SMAD1: variants seen among roughly 807,000 people sequenced by gnomAD.
SMAD1 encodes the protein SMAD family member 1.
Under a neutral mutation model 41.6 loss-of-function variants are expected in SMAD1, and 6 were observed. That is an observed-to-expected ratio of 0.14 (90% CI 0.08 to 0.28). SMAD1 has a LOEUF of 0.28. SMAD1 is among the 10% of genes least tolerant of loss of function. The pLI is 1.00. For missense variants in SMAD1, 379 were observed against 582.6 expected (o/e 0.65, Z 3.60); for synonymous variants, 206 against 203.2 (o/e 1.01, Z -0.12).
In SMAD1 at chr4:145,518,243, G is replaced by A. The variant is rs559941785; in HGVS notation, c.400+3230G>A. On this transcript the variant is annotated intron_variant, in intron 2 of 6. Coordinates refer to ENST00000302085, the MANE Select transcript of SMAD1 (RefSeq NM_005900.3). Reference sequence around the variant, plus strand: ...GATCATGCCTGTAAATAGCCATTACGTTCTAGCCTGGGCAGTGTAGTGAGA... The same window carrying A: ...GATCATGCCTGTAAATAGCCATTACATTCTAGCCTGGGCAGTGTAGTGAGA... 7.9e-5 allele frequency among the ~76,000 whole-genome samples: 10 copies of A among 126,050 alleles called. 2 individuals are homozygous for A. The highest frequency in any genetic ancestry group is 7.2e-3 in the Middle Eastern group (2 of 278). 82.7% of individuals were successfully genotyped at this position (126,050 alleles called of 152,430 possible).
chr4:145,545,001 CAGTT>C (rs1732166175), intron 4 of SMAD1: 1 of 151,678 alleles, frequency 6.6e-6, no homozygotes, highest in African/African-American at 2.4e-5. Context: ...AGTTTATAGT[CAGTT>C]AATATTTTCA....
Position 145,557,128 on chromosome 4 carries a change from T to G in SMAD1, c.1255-663T>G, listed in dbSNP as rs562369055. Among the ~76,000 whole-genome samples, 11 of 152,362 alleles carry G rather than the reference T, an allele frequency of 7.2e-5. No homozygotes were observed. The East Asian group carries it at 1.7e-3, about 24-fold the overall frequency. Reference sequence around the variant, plus strand: ...CCCTCACCAATGAGTTTTTGATCTTTGCAGTAGCAGTTACTTTTCTCTTTT... The same window carrying G: ...CCCTCACCAATGAGTTTTTGATCTTGGCAGTAGCAGTTACTTTTCTCTTTT... On this transcript the variant is annotated intron_variant, in intron 6 of 6. Transcript: ENST00000302085.
intron 6 of SMAD1, among the ~76,000 whole-genome samples, chr4:145,554,673 A>T (rs371166358): frequency 2.4e-4 from 37 of 152,252 alleles, no homozygotes; most frequent in African/African-American, 8.9e-4. Flanking sequence ...ATAATAATTG[A>T]TCTTTTTGCT....
intron 1 of SMAD1, among the ~76,000 whole-genome samples, chr4:145,494,255 C>T (rs1045123604): frequency 6.6e-5 from 10 of 152,296 alleles, no homozygotes; most frequent in Middle Eastern, 3.4e-3. Flanking sequence ...CCACCGCGCC[C>T]GGCCCCAGTT....
chr4:145,512,202 TTA>T (rs1260273876), intron 1 of SMAD1, among the ~76,000 whole-genome samples: 2 of 152,234 alleles, frequency 1.3e-5, no homozygotes, highest in African/African-American at 4.8e-5. Flanking sequence ...AATTTTACTG[TTA>T]TATGACACAT....
intron 1 of SMAD1, among the ~76,000 whole-genome samples, chr4:145,512,858 T>C (rs2126400027): frequency 6.6e-6 from 1 of 152,304 alleles, no homozygotes; most frequent in Non-Finnish European, 1.5e-5. Flanking sequence ...GTTTTTCTTC[T>C]GGCAAGCTGT....
At chr4:145,529,370 A>C (rs1283501024) in intron 2 of SMAD1, among the ~76,000 whole-genome samples, 1 of 152,232 alleles carries the variant, frequency 6.6e-6, no homozygotes, top group African/African-American at 2.4e-5. Flanking sequence ...TACCAGGGTG[A>C]AAGTAGGAAG....
In SMAD1 at chr4:145,482,969, T is replaced by C. The variant is rs1728276255; in HGVS notation, c.-177+931T>C. 6.6e-6 allele frequency: 1 copy of C among 152,180 alleles called. No homozygotes were observed. Among genetic ancestry groups the C allele is most frequent in the South Asian group, 2.1e-4 (1 of 4,816 alleles). 9.4% of individuals were successfully genotyped at this position (152,180 alleles called of 1,614,324 possible). ...CTAGTTGCTGAAACTGTATGAAGGC[T>C]TTAAAGGGAGAACGTTTTCTTGATG... On this transcript the variant is annotated intron_variant, in intron 1 of 6. Transcript: ENST00000302085. The surrounding 1 kb of genome is among the most constrained non-coding windows in gnomAD (Gnocchi z 4.2).
At chr4:145,555,966 GTTGT>G (rs1307231147) in intron 6 of SMAD1, among the ~76,000 whole-genome samples, 1 of 152,142 alleles carries the variant, frequency 6.6e-6, no homozygotes, top group African/African-American at 2.4e-5. Context: ...TTAAAGAAAA[GTTGT>G]TTATCATATG....
intron 6 of SMAD1, among the ~76,000 whole-genome samples, chr4:145,557,038 CTT>C (rs1732879499): frequency 8.9e-6 from 1 of 112,228 alleles, no homozygotes; most frequent in African/African-American, 7.0e-5. Flanking sequence ...AGAACCCAAC[CTT>C]CTCTGATATT....
intron 2 of SMAD1, among the ~76,000 whole-genome samples, chr4:145,517,799 A>G (rs994206267): frequency 3.2e-5 from 4 of 125,664 alleles, no homozygotes; most frequent in African/African-American, 1.0e-4. Context: ...GTTACTCTTA[A>G]TAACATATGT....
intron 2 of SMAD1, among the ~76,000 whole-genome samples, chr4:145,537,595 T>A (rs528379262): frequency 6.6e-6 from 1 of 152,258 alleles, no homozygotes; most frequent in East Asian, 1.9e-4. Flanking sequence ...ACCCAAGTAT[T>A]TAGCAGCAGA....
chr4:145,483,663 C>A (rs149968104), intron 1 of SMAD1, among the ~76,000 whole-genome samples: 2 of 152,190 alleles, frequency 1.3e-5, no homozygotes, highest in Non-Finnish European at 2.9e-5. Flanking sequence ...TATTTCTGTG[C>A]AGGTGGTGTA....
rs1392110340 is a variant in SMAD1, at chr4:145,558,126, C to A, written c.*192C>A. 4 of 406,348 alleles carry A rather than the reference C, an allele frequency of 9.8e-6. No homozygotes were observed. Among genetic ancestry groups the A allele is most frequent in the African/African-American group, 2.0e-5 (1 of 48,860 alleles). 25.2% of individuals were successfully genotyped at this position (406,348 alleles called of 1,614,324 possible). ...CACCTTGGTAACATACTGTTGATAT[C>A]AAGAACCTGTTTAGTTTACATTGTA... On this transcript the variant is annotated 3_prime_UTR_variant, in exon 7 of 7. Coordinates refer to ENST00000302085, the MANE Select transcript of SMAD1 (RefSeq NM_005900.3).
At chr4:145,513,040 C>T (rs186549329) in intron 1 of SMAD1, among the ~76,000 whole-genome samples, 389 of 152,284 alleles carry the variant, frequency 2.6e-3, no homozygotes, top group Non-Finnish European at 4.6e-3. Flanking sequence ...GCCCTCAACT[C>T]CATTTGTTGC....
intron 3 of SMAD1, among the ~76,000 whole-genome samples, 163 bp downstream of exon 3, chr4:145,540,224 T>G (rs1391093838): frequency 2.0e-5 from 3 of 152,264 alleles, no homozygotes; most frequent in African/African-American, 7.2e-5. Flanking sequence ...AAAGGAGACC[T>G]CATAGTCAAG....
chr4:145,523,762 T>A (rs956681297), intron 2 of SMAD1, among the ~76,000 whole-genome samples: 4 of 152,168 alleles, frequency 2.6e-5, no homozygotes, highest in Non-Finnish European at 5.9e-5. Flanking sequence ...GCAGAGCCAC[T>A]GAGGCGGTTG....
intron 3 of SMAD1, 108 bp downstream of exon 3, chr4:145,540,169 T>G: frequency 1.6e-6 from 2 of 1,274,922 alleles, no homozygotes; most frequent in South Asian, 1.3e-5. Flanking sequence ...TCAGCCCTGG[T>G]ATATGACATA....
chr4:145,548,033 G>T (rs1049880287), intron 5 of SMAD1, among the ~76,000 whole-genome samples: 1 of 151,992 alleles, frequency 6.6e-6, no homozygotes, highest in Non-Finnish European at 1.5e-5. Flanking sequence ...CCCTAGGCTG[G>T]GATAGGTAGG....
Sources: gnomAD v4.1 joint callset for allele counts (sites outside exome capture counted in the v4.1 genomes callset) on GRCh38, gnomAD v4.1.1 for gene constraint, Gnocchi (gnomAD v3.1) non-coding constraint, MANE v1.5 for transcripts, NCBI Gene and HGNC (gene_info 2026-07-23, HGNC 2026-07-21) for gene names.